The following STRIP1 variants were observed in gnomAD, a reference collection of about 807,000 sequenced individuals.
STRIP1 encodes striatin interacting protein 1, also known as striatin-interacting protein 1.
In STRIP1, 63 loss-of-function variants were observed where a neutral mutation model predicts 106.2. That is an observed-to-expected ratio of 0.59 (90% CI 0.48 to 0.73). The LOEUF (loss-of-function observed/expected upper bound fraction) is 0.73. STRIP1 is among the 30% of genes least tolerant of loss of function. The pLI is 0.00. For synonymous variants in STRIP1, 390 were observed against 413.0 expected (o/e 0.94, Z 0.67); for missense variants, 857 against 1,074.8 (o/e 0.80, Z 2.83).
In STRIP1 at chr1:110,043,156, C is replaced by G. The variant is rs1652849723; in HGVS notation, c.954C>G (p.Pro318=). 3.1e-6 allele frequency: 5 copies of G among 1,614,064 alleles called. No homozygotes were observed. Among genetic ancestry groups the G allele is most frequent in the Middle Eastern group, 1.6e-4 (1 of 6,062 alleles). Reference sequence around the variant, plus strand: ...AGAAGCGCAGCATCCTGGGCCTCCCCCCGCTTCCTGAGGACAGCATCAAAG... The same window carrying G: ...AGAAGCGCAGCATCCTGGGCCTCCCGCCGCTTCCTGAGGACAGCATCAAAG... ...KAEKRSILGL[P]PLPEDSIKVI... Residue 318 remains proline (P), a synonymous_variant, in exon 9 of 21, where the codon CCC becomes CCG. Transcript: ENST00000369795.
At chr1:110,034,879 G>A in intron 1 of STRIP1, 62 bp downstream of exon 1, 2 of 1,369,604 alleles carry the variant, frequency 1.5e-6, no homozygotes, top group Non-Finnish European at 9.4e-7. Context: ...TCCCGGGCCC[G>A]GGGCCACTCT....
Position 110,038,728 on chromosome 1 carries a change from A to C in STRIP1, c.296A>C (p.Lys99Thr). Residue 99 changes from lysine (K) to threonine (T), a missense_variant, in exon 3 of 21, where the codon AAA (lysine) becomes ACA (threonine). Lys to Thr is a moderately conservative substitution (Grantham distance 78). Coordinates refer to ENST00000369795, the MANE Select transcript of STRIP1 (RefSeq NM_033088.4). ...TEGPEFLMNR[K>T]CFEEDFRIHV... is the part of the protein sequence containing the mutation. ...GGGCCAGAATTCCTGATGAATCGAA[A>C]ATGCTTTGAGGAGGACTTCCGGATC... 1 of 1,614,112 alleles carries C rather than the reference A, an allele frequency of 6.2e-7. No individual in the cohort carries two copies.
At chr1:110,047,233 C>A (rs559097411) in intron 13 of STRIP1, among the ~76,000 whole-genome samples, 1 of 152,164 alleles carries the variant, frequency 6.6e-6, no homozygotes, top group African/African-American at 2.4e-5. Context: ...CAGGAACCTG[C>A]CTCTGATGCC....
chr1:110,043,135 G>A lies in STRIP1; in HGVS notation c.933G>A (p.Lys311=). 6.2e-7 allele frequency: 1 copy of A among 1,614,004 alleles called. No individual in the cohort carries two copies. The highest frequency in any genetic ancestry group is 1.1e-5 in the South Asian group (1 of 91,070). Residue 311 remains lysine (K), a synonymous_variant, in exon 9 of 21, where the codon AAG becomes AAA. Coordinates refer to ENST00000369795, the MANE Select transcript of STRIP1 (RefSeq NM_033088.4). ...FEELQSMKAE[K]RSILGLPPLP... ...AGCTGCAGAGCATGAAGGCTGAGAA[G>A]CGCAGCATCCTGGGCCTCCCCCCGC...
chr1:110,051,024 G>T lies in STRIP1; in HGVS notation c.2025G>T (p.Leu675Phe). 1.2e-6 allele frequency: 2 copies of T among 1,613,878 alleles called. No individual in the cohort carries two copies. The highest frequency in any genetic ancestry group is 1.1e-5 in the South Asian group (1 of 91,066). Reference protein sequence around the residue: ...LFSCINLLRILNKLTKWKHSR... With the variant: ...LFSCINLLRIFNKLTKWKHSR... ...CTTGTATCAATCTGCTTCGGATCTT[G>T]AACAAGCTGACAAAGTGGAAGCATT... The change falls in exon 19 of 21, where the codon TTG becomes TTT. Residue 675 changes from leucine (L) to phenylalanine (F), a missense_variant. Coordinates refer to ENST00000369795, the MANE Select transcript of STRIP1 (RefSeq NM_033088.4).
intron 14 of STRIP1, 31 bp downstream of exon 14, chr1:110,047,647 C>T (rs752456381): frequency 8.8e-6 from 14 of 1,591,144 alleles, no homozygotes; most frequent in Non-Finnish European, 1.2e-5. Flanking sequence ...GACACTCCCA[C>T]TACACTGGCC....
upstream of STRIP1, among the ~76,000 whole-genome samples, chr1:110,032,330 A>T (rs1652233665): frequency 6.6e-6 from 1 of 152,168 alleles, no homozygotes; most frequent in African/African-American, 2.4e-5. Flanking sequence ...TACAACAAAG[A>T]CTTTTTAAGC....
chr1:110,050,258 GC>G, intron 17 of STRIP1, 84 bp from the exon 18 acceptor site: 2 of 1,343,990 alleles, frequency 1.5e-6, no homozygotes, highest in Non-Finnish European at 2.1e-6. Flanking sequence ...AGGGAGGAAA[GC>G]TGGGAGCTGG....
intron 10 of STRIP1, 31 bp downstream of exon 10, chr1:110,043,887 T>C: frequency 6.3e-7 from 1 of 1,598,190 alleles, no homozygotes; most frequent in Non-Finnish European, 8.6e-7. Flanking sequence ...GCACTCATAG[T>C]TCCTGAGGCA....
In STRIP1 at chr1:110,049,468, C is replaced by T. The variant is rs1653190495; in HGVS notation, c.1797C>T (p.Tyr599=). 3.7e-6 allele frequency: 5 copies of T among 1,362,398 alleles called. No homozygotes were observed. The highest frequency in any genetic ancestry group is 1.8e-5 in the Admixed American group (1 of 56,582). 84.4% of individuals were successfully genotyped at this position (1,362,398 alleles called of 1,614,324 possible). The change falls in exon 17 of 21, where the codon TAC becomes TAT. Residue 599 remains tyrosine, a synonymous_variant. Transcript: ENST00000369795. ...TTTCCTGTTGGCTTCAGTTTGAATACATGGCCCAGCACCTGGTGTTTGCCA... is the reference window on the plus strand; with the variant it reads ...TTTCCTGTTGGCTTCAGTTTGAATATATGGCCCAGCACCTGGTGTTTGCCA... ...FKLNHVYQFE[Y]MAQHLVFANC...
intron 6 of STRIP1, chr1:110,041,287 A>C (rs1205533058): frequency 2.8e-6 from 1 of 360,034 alleles, no homozygotes; most frequent in African/African-American, 2.1e-5. Flanking sequence ...CCTCATCATA[A>C]ACCCTGTTTT....
rs762111954 is a variant in STRIP1 at position 110,045,002 on chromosome 1, C to G, written c.1353-13C>G. 6.2e-7 allele frequency: 1 copy of G among 1,614,130 alleles called. No individual in the cohort carries two copies. The highest frequency in any genetic ancestry group is 8.5e-7 in the Non-Finnish European group (1 of 1,180,006). On this transcript the variant is annotated splice_polypyrimidine_tract_variant and intron_variant, in intron 11 of 20. Transcript: ENST00000369795. The stretch of plus-strand genomic sequence containing the variant: ...ATGTCGAGGCTCAACACAGGGCCTT[C>G]TTTATTCTCCAGTGACACGAACACA...
At chr1:110,047,963 A>G in intron 15 of STRIP1, 94 bp downstream of exon 15, 1 of 1,048,266 alleles carries the variant, frequency 9.5e-7, no homozygotes. Context: ...TTGTTGGCCC[A>G]GCTCTACAGG....
chr1:110,034,886 C>A, intron 1 of STRIP1, 69 bp downstream of exon 1: 3 of 1,354,250 alleles, frequency 2.2e-6, no homozygotes, highest in Non-Finnish European at 2.9e-6. Context: ...CCCGGGGCCA[C>A]TCTAGGGGCC....
chr1:110,043,171 CA>C lies in STRIP1; in HGVS notation c.970del (p.Ser324AlafsTer4). The C allele has an allele frequency of 6.2e-7, 1 of 1,614,096 alleles. No homozygotes were observed. The highest frequency in any genetic ancestry group is 8.5e-7 in the Non-Finnish European group (1 of 1,180,042). ...ILGLPPLPED[S>X]IKVIRNMRAA... ...TGGGCCTCCCCCCGCTTCCTGAGGA[CA>C]GCATCAAAGTGATTCGCAACATGAG... On this transcript the variant is annotated frameshift_variant, in exon 9 of 21. Coordinates refer to ENST00000369795, the MANE Select transcript of STRIP1 (RefSeq NM_033088.4). LOFTEE classifies it high-confidence loss of function.
chr1:110,041,965 G>T, intron 8 of STRIP1, 104 bp downstream of exon 8: 1 of 1,312,626 alleles, frequency 7.6e-7, no homozygotes, highest in East Asian at 2.3e-5. Context: ...CTGTAAAACT[G>T]CTTTGGTAAA....
At chr1:110,039,866 C>A in intron 5 of STRIP1, 1 of 1,298,196 alleles carries the variant, frequency 7.7e-7, no homozygotes, top group Non-Finnish European at 1.0e-6. Flanking sequence ...TGGCAGGAGG[C>A]CAGGCACAAG....
Position 110,053,773 on chromosome 1 carries a change from T to C in STRIP1, c.2375T>C (p.Phe792Ser). The change falls in exon 21 of 21, where the codon TTC becomes TCC. Residue 792 changes from phenylalanine (F) to serine (S), a missense_variant. Phe to Ser is a radical substitution (Grantham distance 155). Coordinates refer to ENST00000369795, the MANE Select transcript of STRIP1 (RefSeq NM_033088.4). ...RYDRAHSNPD[F>S]LPVDNCLQSV... ...GACCGGGCCCACAGCAACCCTGACT[T>C]CCTGCCAGTGGACAACTGCCTGCAG... is the stretch of plus-strand genomic sequence containing the variant. 1 of 1,614,090 alleles carries C rather than the reference T, an allele frequency of 6.2e-7. No individual in the cohort carries two copies. The highest frequency in any genetic ancestry group is 1.1e-5 in the South Asian group (1 of 91,078).
chr1:110,037,978 G>A lies in STRIP1; in HGVS notation c.250+18G>A, dbSNP rs2101765942. 1 of 1,576,398 alleles carries A rather than the reference G, an allele frequency of 6.3e-7. No individual in the cohort carries two copies. Among genetic ancestry groups the A allele is most frequent in the Non-Finnish European group, 8.7e-7 (1 of 1,151,496 alleles). ...GCTCTCGGGTAACGCACAGACCTTT[G>A]TGTTATTTGGGGGTGGTTTTTTCCT... is the stretch of plus-strand genomic sequence containing the variant. On this transcript the variant is annotated intron_variant, in intron 2 of 20. Transcript: ENST00000369795.
Sources: gnomAD v4.1 joint callset for allele counts (sites outside exome capture counted in the v4.1 genomes callset) on GRCh38, gnomAD v4.1.1 for gene constraint, MANE v1.5 for transcripts, NCBI Gene and HGNC (gene_info 2026-07-23, HGNC 2026-07-21) for gene names.